Variants in CSMD1 observed in about 807,000 individuals in gnomAD.
The protein encoded by CSMD1 is CUB and sushi domain-containing protein 1.
In CSMD1, 213 loss-of-function variants were observed where a neutral mutation model predicts 417.5. The ratio of observed to expected loss-of-function variants is 0.51; its 90% confidence interval spans 0.46 to 0.57. CSMD1 has a LOEUF of 0.57. Among genes scored for constraint, CSMD1 ranks in the 20% least tolerant of loss-of-function variants. The probability of loss-of-function intolerance (pLI) is 0.00; values close to 1 mark genes in which losing one functional copy is unlikely to be tolerated. For synonymous variants in CSMD1, 2,862 were observed against 1,736.8 expected (o/e 1.65, Z -16.11); for missense variants, 6,923 against 4,529.7 (o/e 1.53, Z -15.17).
chr8:4,181,748 A>G (rs1391846664), intron 3 of CSMD1, among the ~76,000 whole-genome samples: 1 of 152,152 alleles, frequency 6.6e-6, no homozygotes, highest in African/African-American at 2.4e-5. Flanking sequence ...ATAAACAACA[A>G]TTCTTATCTT....
chr8:3,200,124 A>C (rs1006575185), intron 32 of CSMD1, among the ~76,000 whole-genome samples: 2 of 152,142 alleles, frequency 1.3e-5, no homozygotes, highest in Non-Finnish European at 2.9e-5. Context: ...ATTTGCTCAG[A>C]ATCACCTTAC....
intron 4 of CSMD1, among the ~76,000 whole-genome samples, chr8:4,002,413 A>G (rs1367887264): frequency 6.6e-6 from 1 of 152,192 alleles, no homozygotes; most frequent in Non-Finnish European, 1.5e-5. Context: ...CTACCTAACT[A>G]ATATGTTTGA....
intron 37 of CSMD1, 55 bp from the exon 38 acceptor site, chr8:3,162,332 C>T: frequency 4.2e-6 from 5 of 1,176,986 alleles, no homozygotes; most frequent in Non-Finnish European, 6.2e-6. Context: ...ATATTCTTAT[C>T]ATTTGAATAA....
intron 1 of CSMD1, among the ~76,000 whole-genome samples, chr8:4,643,414 T>C (rs549284669): frequency 6.6e-6 from 1 of 152,380 alleles, no homozygotes; most frequent in South Asian, 2.1e-4. Context: ...TTTGACATTT[T>C]TGTAGTCAAT....
chr8:3,996,946 C>G (rs926034175), intron 5 of CSMD1, among the ~76,000 whole-genome samples: 1 of 152,036 alleles, frequency 6.6e-6, no homozygotes, highest in African/African-American at 2.4e-5. Flanking sequence ...GTCTGGTAGC[C>G]TTCATACTAA....
At chr8:4,155,606 C>A (rs1796794533) in intron 3 of CSMD1, among the ~76,000 whole-genome samples, 1 of 152,100 alleles carries the variant, frequency 6.6e-6, no homozygotes, top group South Asian at 2.1e-4. Context: ...CAGATAGAGA[C>A]AAGGTTTGAT....
chr8:3,477,481 T>G (rs898829097), intron 11 of CSMD1, among the ~76,000 whole-genome samples: 1 of 152,102 alleles, frequency 6.6e-6, no homozygotes, highest in African/African-American at 2.4e-5. Context: ...AGACACAGGG[T>G]GAGCTGGAGA....
chr8:4,448,129 T>A (rs1340167706), intron 2 of CSMD1, among the ~76,000 whole-genome samples: 2 of 152,184 alleles, frequency 1.3e-5, no homozygotes, highest in African/African-American at 4.8e-5. Context: ...AGTTCTCACT[T>A]TTACCAATGT....
intron 2 of CSMD1, among the ~76,000 whole-genome samples, chr8:4,500,215 G>C (rs1802187681): frequency 6.6e-6 from 1 of 152,026 alleles, no homozygotes; most frequent in South Asian, 2.1e-4. Context: ...TCCAGGGAGA[G>C]GTTGGCTTAG....
At chr8:4,097,190 G>C (rs1482367027) in intron 3 of CSMD1, among the ~76,000 whole-genome samples, 2 of 152,084 alleles carry the variant, frequency 1.3e-5, no homozygotes, top group Non-Finnish European at 2.9e-5. Context: ...ATAAGCAATT[G>C]CTGATTGAAT....
At chr8:3,577,320 A>C (rs960866294) in intron 9 of CSMD1, among the ~76,000 whole-genome samples, 1 of 152,240 alleles carries the variant, frequency 6.6e-6, no homozygotes, top group Non-Finnish European at 1.5e-5. Flanking sequence ...AGGCCTATGA[A>C]GTACCAAGTT....
At chr8:3,031,543 G>C (rs1461746952) in intron 50 of CSMD1, among the ~76,000 whole-genome samples, 1 of 151,912 alleles carries the variant, frequency 6.6e-6, no homozygotes, top group Non-Finnish European at 1.5e-5. Context: ...ACTCAACTTT[G>C]TTCTTTCTTT....
At chr8:3,304,475 G>A (rs1301516505) in intron 25 of CSMD1, among the ~76,000 whole-genome samples, 2 of 152,078 alleles carry the variant, frequency 1.3e-5, no homozygotes, top group Non-Finnish European at 2.9e-5. Context: ...TGTTATTCAT[G>A]AAGAGTGGTT....
chr8:3,886,567 T>C (rs1452850705), intron 5 of CSMD1, among the ~76,000 whole-genome samples: 1 of 152,200 alleles, frequency 6.6e-6, no homozygotes, highest in African/African-American at 2.4e-5. Context: ...AGCGTGGCTG[T>C]GTTGCAGGAA....
Position 3,157,195 on chromosome 8 carries a change from T to G in CSMD1, c.5914+702A>C, listed in dbSNP as rs556199629. Among the ~76,000 whole-genome samples, 4 of 152,128 alleles carry G rather than the reference T, an allele frequency of 2.6e-5. No homozygotes were observed. In the South Asian group the frequency reaches 8.3e-4, roughly 32 times the overall value. On this transcript the variant is annotated intron_variant, in intron 39 of 69. Transcript: ENST00000635120. Reference sequence around the variant, plus strand: ...ACAGGTAAAGGTTTCTGAGTTGGGCTACAACAAATAGGTGATGGGTGAAGC... The same window carrying G: ...ACAGGTAAAGGTTTCTGAGTTGGGCGACAACAAATAGGTGATGGGTGAAGC...
intron 8 of CSMD1, among the ~76,000 whole-genome samples, chr8:3,606,918 G>A (rs182414481): frequency 5.2e-4 from 79 of 151,996 alleles, no homozygotes; most frequent in African/African-American, 1.8e-3. Flanking sequence ...CACCATGTTG[G>A]CCAGGATGGT....
intron 26 of CSMD1, among the ~76,000 whole-genome samples, chr8:3,232,144 CT>C: frequency 6.6e-6 from 1 of 152,324 alleles, no homozygotes; most frequent in African/African-American, 2.4e-5. Flanking sequence ...CACCTTCTTC[CT>C]CCACTTCAGG....
intron 8 of CSMD1, among the ~76,000 whole-genome samples, chr8:3,609,577 G>T (rs1039838287): frequency 2.6e-5 from 4 of 151,878 alleles, no homozygotes; most frequent in African/African-American, 7.3e-5. Context: ...ACCAGATGAG[G>T]AATATTTTAC....
intron 46 of CSMD1, among the ~76,000 whole-genome samples, chr8:3,103,049 G>C (rs1815873504): frequency 1.3e-5 from 2 of 152,306 alleles, no homozygotes; most frequent in East Asian, 1.9e-4. Flanking sequence ...GACCCATTTA[G>C]ATTCAGTAAA....
Sources: allele counts gnomAD v4.1 joint callset (sites outside exome capture counted in the v4.1 genomes callset), GRCh38; gene constraint gnomAD v4.1.1; transcripts MANE v1.5; gene names NCBI Gene and HGNC (gene_info 2026-07-23, HGNC 2026-07-21).